The following PDE4D variants were observed in gnomAD, a reference collection of about 807,000 sequenced individuals.
PDE4D encodes 3',5'-cyclic-AMP phosphodiesterase 4D.
In PDE4D, 24 loss-of-function variants were observed where a neutral mutation model predicts 87.4. The observed-to-expected ratio is 0.27, with a 90% CI of 0.20 to 0.39. The LOEUF (loss-of-function observed/expected upper bound fraction) is 0.39, where lower values mean the gene tolerates loss of function less well. PDE4D is among the 10% of genes least tolerant of loss of function. The pLI is 1.00. For synonymous variants in PDE4D, 384 were observed against 383.2 expected, an observed-to-expected ratio of 1.00 and a Z score of -0.02; for missense variants, 714 against 1,041.0, an observed-to-expected ratio of 0.69 and a Z score of 4.32.
chr5:59,287,799 G>GA (rs1294813828), intron 1 of PDE4D, among the ~76,000 whole-genome samples: 135 of 151,968 alleles, frequency 8.9e-4, no homozygotes, highest in Non-Finnish European at 8.8e-4. Flanking sequence ...TAAGAGAAGA[G>GA]AAAAAAGAGT....
intron 1 of PDE4D, among the ~76,000 whole-genome samples, chr5:59,785,155 C>T (rs140014856): frequency 6.6e-6 from 1 of 152,280 alleles, no homozygotes; most frequent in East Asian, 1.9e-4. Flanking sequence ...ATGATTTTTA[C>T]ATATACAATA....
intron 1 of PDE4D, among the ~76,000 whole-genome samples, chr5:60,437,938 GA>G (rs1327569056): frequency 6.6e-6 from 1 of 152,016 alleles, no homozygotes; most frequent in Admixed American, 6.6e-5. Context: ...TTGTCTTAAG[GA>G]AAAAAGTCAT....
At chr5:59,271,584 C>T (rs1242243297) in intron 1 of PDE4D, among the ~76,000 whole-genome samples, 1 of 151,914 alleles carries the variant, frequency 6.6e-6, no homozygotes, top group East Asian at 1.9e-4. Flanking sequence ...AATAAGAATG[C>T]TAAGCCAGTC....
chr5:60,161,285 T>C (rs2149462967), intron 2 of PDE4D, among the ~76,000 whole-genome samples: 1 of 152,280 alleles, frequency 6.6e-6, no homozygotes, highest in East Asian at 1.9e-4. Flanking sequence ...GCTTTTGAGT[T>C]CCAAATGGGA....
At chr5:59,413,314 C>T (rs937719397) in intron 1 of PDE4D, among the ~76,000 whole-genome samples, 7 of 151,844 alleles carry the variant, frequency 4.6e-5, no homozygotes, top group African/African-American at 1.5e-4. Flanking sequence ...AAAAATTAGC[C>T]GGGCGTAGTG....
intron 1 of PDE4D, among the ~76,000 whole-genome samples, chr5:60,412,441 G>A (rs754477278): frequency 3.3e-5 from 5 of 152,290 alleles, no homozygotes; most frequent in Non-Finnish European, 5.9e-5. Context: ...ATAATTTAGT[G>A]TAGTATTCTA....
chr5:59,036,790 T>C (rs775923285), intron 6 of PDE4D, among the ~76,000 whole-genome samples: 3 of 152,218 alleles, frequency 2.0e-5, no homozygotes, highest in Non-Finnish European at 4.4e-5. Flanking sequence ...TAAAAATTAG[T>C]GTGACAGCAA....
chr5:59,030,267 T>A (rs778161010), intron 6 of PDE4D, among the ~76,000 whole-genome samples: 70 of 151,782 alleles, frequency 4.6e-4, no homozygotes, highest in Non-Finnish European at 9.3e-4. Flanking sequence ...GGAGAAAATA[T>A]CTGCAAACCA....
chr5:60,491,289 T>C (rs1749517945), upstream of PDE4D: 2 of 151,402 alleles, frequency 1.3e-5, no homozygotes, highest in Admixed American at 6.6e-5. Context: ...GTGGTCACTA[T>C]AAAGATAAAG....
At chr5:60,056,450 G>A (rs1253919049) in intron 2 of PDE4D, among the ~76,000 whole-genome samples, 5 of 152,016 alleles carry the variant, frequency 3.3e-5, no homozygotes, top group Admixed American at 6.6e-5. Flanking sequence ...ACAGGGATCA[G>A]TGTTTTTATG....
chr5:59,802,396 C>CT (rs60356253), intron 1 of PDE4D, among the ~76,000 whole-genome samples: 23,282 of 110,320 alleles, frequency 0.21, 3,528 homozygotes, highest in Non-Finnish European at 0.3. Flanking sequence ...CTTCCATATT[C>CT]TTTTTTTTTT....
At chr5:59,693,329 A>T (rs967029953) in intron 1 of PDE4D, among the ~76,000 whole-genome samples, 1 of 152,148 alleles carries the variant, frequency 6.6e-6, no homozygotes, top group Non-Finnish European at 1.5e-5. Flanking sequence ...TACCAAAAAT[A>T]GTCAACATGA....
At position 58,971,627 on chromosome 5, in the gene PDE4D, A is replaced by C. The variant is rs1742609415; in HGVS notation, c.*3037T>G. 6.6e-6 allele frequency: 1 copy of C among 152,586 alleles called. No individual in the cohort carries two copies. Among genetic ancestry groups the C allele is most frequent in the Non-Finnish European group, 1.5e-5 (1 of 68,006 alleles). 9.5% of individuals were successfully genotyped at this position (152,586 alleles called of 1,614,324 possible). On this transcript the variant is annotated 3_prime_UTR_variant, in exon 15 of 15. Transcript: ENST00000340635. ...TCAAGTTTTTTCTTTCCTTGTCTGT[A>C]ATTTGTTCTATCTACATTATTGTGA... is the stretch of plus-strand genomic sequence containing the variant.
intron 1 of PDE4D, among the ~76,000 whole-genome samples, chr5:59,817,744 C>CT (rs1769148672): frequency 6.7e-6 from 1 of 149,504 alleles, no homozygotes; most frequent in South Asian, 2.1e-4. Context: ...ACACCCACAC[C>CT]CCCCCCCACA....
At chr5:59,600,898 A>G (rs1827410224) in intron 1 of PDE4D, among the ~76,000 whole-genome samples, 1 of 152,216 alleles carries the variant, frequency 6.6e-6, no homozygotes, top group African/African-American at 2.4e-5. Context: ...TCTAGAGTTC[A>G]TGGGGAGACC....
chr5:59,450,183 A>G (rs1798930455), intron 1 of PDE4D, among the ~76,000 whole-genome samples: 1 of 152,240 alleles, frequency 6.6e-6, no homozygotes, highest in Non-Finnish European at 1.5e-5. Flanking sequence ...AAGGCAAAAA[A>G]TTTCAAAGAG....
chr5:59,252,013 GTC>G (rs1305409088), intron 1 of PDE4D, among the ~76,000 whole-genome samples: 1 of 152,102 alleles, frequency 6.6e-6, no homozygotes, highest in Non-Finnish European at 1.5e-5. Context: ...AGACATTGGG[GTC>G]TACTTGATCA....
intron 2 of PDE4D, among the ~76,000 whole-genome samples, chr5:60,096,708 G>C (rs1443496904): frequency 1.3e-5 from 2 of 152,038 alleles, no homozygotes; most frequent in African/African-American, 2.4e-5. Flanking sequence ...GTTTTGATGA[G>C]ACTAGAAATA....
At chr5:59,984,860 T>TA (rs1446504749) in intron 3 of PDE4D, among the ~76,000 whole-genome samples, 1 of 152,094 alleles carries the variant, frequency 6.6e-6, no homozygotes, top group African/African-American at 2.4e-5. Flanking sequence ...GCTATGATGT[T>TA]AAGAAAGAAA....
Sources: allele counts gnomAD v4.1 joint callset (sites outside exome capture counted in the v4.1 genomes callset), GRCh38; gene constraint gnomAD v4.1.1; transcripts MANE v1.5; gene names NCBI Gene and HGNC (gene_info 2026-07-23, HGNC 2026-07-21).